Variants in TMEM132B observed in about 807,000 individuals in gnomAD.
TMEM132B encodes the protein transmembrane protein 132B.
In TMEM132B, 18 loss-of-function variants were observed where a neutral mutation model predicts 90.8. The observed-to-expected ratio is 0.20, with a 90% CI of 0.14 to 0.29. The LOEUF is 0.29. TMEM132B is among the 10% of genes least tolerant of loss of function. TMEM132B has a pLI of 1.00. For synonymous variants in TMEM132B, 504 were observed against 523.3 expected, an observed-to-expected ratio of 0.96 and a Z score of 0.50; for missense variants, 1,096 against 1,326.8, an observed-to-expected ratio of 0.83 and a Z score of 2.70.
chr12:125,228,922 G>A lies in TMEM132B; in HGVS notation c.67+42056G>A, dbSNP rs1873750086. ...CTTCTTTGACTAATTCTCTCCCTAA[G>A]AGAGGAGTGTAGGAGGAGAAAATCT... On this transcript the variant is annotated intron_variant, in intron 1 of 8. Transcript: ENST00000682704. Among the ~76,000 whole-genome samples, 2 of 152,192 alleles carry A rather than the reference G, an allele frequency of 1.3e-5. 1 individual carries two copies. Among genetic ancestry groups the A allele is most frequent in the South Asian group, 4.1e-4 (2 of 4,822 alleles).
intron 1 of TMEM132B, among the ~76,000 whole-genome samples, chr12:125,238,125 T>C (rs2136089191): frequency 6.6e-6 from 1 of 152,288 alleles, no homozygotes; most frequent in South Asian, 2.1e-4. Context: ...CTCTTTTTTT[T>C]CTAAAGGGCC....
chr12:125,215,568 G>A (rs1873415035), intron 1 of TMEM132B, among the ~76,000 whole-genome samples: 1 of 151,950 alleles, frequency 6.6e-6, no homozygotes, highest in South Asian at 2.1e-4. Flanking sequence ...TTGAGATGGA[G>A]TCTCGCTCTG....
intron 3 of TMEM132B, among the ~76,000 whole-genome samples, chr12:125,420,584 G>A (rs1012660251): frequency 6.6e-6 from 1 of 152,134 alleles, no homozygotes; most frequent in Non-Finnish European, 1.5e-5. Flanking sequence ...TGATGGGAGC[G>A]ACTGCCAGGA....
At chr12:125,511,116 A>T (rs1011901531) in intron 3 of TMEM132B, among the ~76,000 whole-genome samples, 1 of 152,168 alleles carries the variant, frequency 6.6e-6, no homozygotes, top group African/African-American at 2.4e-5. Context: ...GTCTTTATGG[A>T]TTGACCTACT....
chr12:125,398,420 G>T (rs1879224506), intron 2 of TMEM132B, among the ~76,000 whole-genome samples: 1 of 152,342 alleles, frequency 6.6e-6, no homozygotes, highest in East Asian at 1.9e-4. Context: ...AGACACAGAA[G>T]TCTTTTCATT....
intron 1 of TMEM132B, among the ~76,000 whole-genome samples, chr12:125,288,494 T>G (rs985049067): frequency 2.0e-5 from 3 of 151,716 alleles, no homozygotes; most frequent in African/African-American, 7.3e-5. Flanking sequence ...GCTGCTAGCT[T>G]TGCAGCAGGG....
chr12:125,428,662 C>G (rs955846136), intron 3 of TMEM132B, among the ~76,000 whole-genome samples: 1 of 152,164 alleles, frequency 6.6e-6, no homozygotes, highest in African/African-American at 2.4e-5. Context: ...CCCAACCAAG[C>G]TCACCTCCTG....
At chr12:125,432,183 TG>T (rs1244045928) in intron 3 of TMEM132B, among the ~76,000 whole-genome samples, 1 of 151,426 alleles carries the variant, frequency 6.6e-6, no homozygotes, top group African/African-American at 2.4e-5. Flanking sequence ...GCAGACGCCA[TG>T]GTCAGCCAGG....
At chr12:125,375,288 A>G (rs1878439487) in intron 2 of TMEM132B, among the ~76,000 whole-genome samples, 1 of 152,224 alleles carries the variant, frequency 6.6e-6, no homozygotes. Context: ...AACAGTCTCT[A>G]AAGACTCAGG....
At chr12:125,448,426 A>G (rs1173362053) in intron 3 of TMEM132B, among the ~76,000 whole-genome samples, 1 of 152,134 alleles carries the variant, frequency 6.6e-6, no homozygotes, top group Non-Finnish European at 1.5e-5. Flanking sequence ...TTTCATTTTT[A>G]TAGATTGAAT....
At chr12:125,230,536 A>G (rs1015942217) in intron 1 of TMEM132B, among the ~76,000 whole-genome samples, 1 of 151,708 alleles carries the variant, frequency 6.6e-6, no homozygotes, top group African/African-American at 2.4e-5. Flanking sequence ...GCTGGAGTGC[A>G]GTGGCGTAAT....
rs769759195 is a variant in TMEM132B, at chr12:125,583,874, C to A, written c.1317C>A (p.Ala439=). 1.2e-6 allele frequency: 2 copies of A among 1,614,006 alleles called. No individual in the cohort carries two copies. Among genetic ancestry groups the A allele is most frequent in the Admixed American group, 1.7e-5 (1 of 60,004 alleles). ...LAMDTEVLNT[A]ILTGKPVSVP... ...AGGACACCGAGGTTTTGAACACTGC[C>A]ATTCTCACTGGAAAGCCTGTTTCAG... The change falls in exon 5 of 9, where the codon GCC becomes GCA. Residue 439 remains alanine, a synonymous_variant. Transcript: ENST00000682704.
rs558009825 is a variant in TMEM132B at position 125,449,116 on chromosome 12, A to G, written c.1106+33439A>G. On this transcript the variant is annotated intron_variant, in intron 3 of 8. Coordinates refer to ENST00000682704, the MANE Select transcript of TMEM132B (RefSeq NM_001366854.1). ...TGAGTAGCTGGGACTACAGGCGCCC[A>G]CCATCATGCCCGGCTAAATTTTTTG... 2.2e-4 allele frequency among the ~76,000 whole-genome samples: 34 copies of G among 151,888 alleles called. No individual in the cohort carries two copies. The East Asian group carries it at 3.1e-3, about 14-fold the overall frequency.
chr12:125,586,526 A>G (rs1372629434), intron 5 of TMEM132B: 1 of 152,246 alleles, frequency 6.6e-6, no homozygotes, highest in Non-Finnish European at 1.5e-5. Flanking sequence ...AAATTTTCAG[A>G]AAGAAGCAAT....
At position 125,656,082 on chromosome 12, in the gene TMEM132B, C is replaced by T. The variant is rs12308814; in HGVS notation, c.*1372C>T. 2 of 152,032 alleles carry T rather than the reference C, an allele frequency of 1.3e-5. No homozygotes were observed. Among genetic ancestry groups the T allele is most frequent in the Non-Finnish European group, 2.9e-5 (2 of 68,012 alleles). 9.4% of individuals were successfully genotyped at this position (152,032 alleles called of 1,614,324 possible). ...AAGAGAAAAAAAGAAACAACTCCTG[C>T]ATAATGTTTAAATAAAAATGTTATT... On this transcript the variant is annotated 3_prime_UTR_variant, in exon 9 of 9. Coordinates refer to ENST00000682704, the MANE Select transcript of TMEM132B (RefSeq NM_001366854.1).
intron 1 of TMEM132B, among the ~76,000 whole-genome samples, chr12:125,284,249 C>T (rs1240107378): frequency 6.6e-6 from 1 of 152,172 alleles, no homozygotes; most frequent in African/African-American, 2.4e-5. Context: ...ACACCTGTTC[C>T]CCAGCCTCCC....
chr12:125,412,494 G>A (rs59317350), intron 2 of TMEM132B, among the ~76,000 whole-genome samples: 2,625 of 152,290 alleles, frequency 0.017, 74 homozygotes, highest in African/African-American at 0.059. Context: ...AGTGGGGTTT[G>A]GAGTGAGGGG....
intron 2 of TMEM132B, among the ~76,000 whole-genome samples, chr12:125,391,039 TAGTG>T (rs112176295): frequency 0.19 from 27,398 of 143,508 alleles, 2,894 homozygotes; most frequent in East Asian, 0.47. Context: ...TACTAAAGAA[TAGTG>T]TGTGTGTGTG....
intron 2 of TMEM132B, among the ~76,000 whole-genome samples, chr12:125,375,587 G>A (rs1467159595): frequency 2.0e-5 from 3 of 152,234 alleles, no homozygotes; most frequent in African/African-American, 7.2e-5. Flanking sequence ...ATTAGTGAGT[G>A]TCCTGGATGG....
Sources: gnomAD v4.1 joint callset for allele counts (sites outside exome capture counted in the v4.1 genomes callset) on GRCh38, gnomAD v4.1.1 for gene constraint, MANE v1.5 for transcripts, NCBI Gene and HGNC (gene_info 2026-07-23, HGNC 2026-07-21) for gene names.